Variants in ST6GALNAC3 observed in about 807,000 individuals in gnomAD.
ST6GALNAC3 encodes ST6 N-acetylgalactosaminide alpha-2,6-sialyltransferase 3, also known as alpha-N-acetylgalactosaminide alpha-2,6-sialyltransferase 3.
A neutral mutation model predicts 32.7 loss-of-function variants in ST6GALNAC3; 25 were observed. The ratio of observed to expected loss-of-function variants is 0.76; its 90% CI spans 0.56 to 1.07. The LOEUF is 1.07. Ranked by LOEUF, ST6GALNAC3 falls within the 50% of genes least tolerant of loss-of-function variation. The pLI is 0.00. For synonymous variants in ST6GALNAC3, 129 were observed against 133.1 expected, an observed-to-expected ratio of 0.97 and a Z score of 0.21; for missense variants, 355 against 382.4, an observed-to-expected ratio of 0.93 and a Z score of 0.60.
At position 76,630,083 on chromosome 1, in the gene ST6GALNAC3, G is replaced by C; in HGVS notation, c.*1277G>C. The C allele has an allele frequency of 1.0e-6, 1 of 985,204 alleles. No homozygotes were observed. The highest frequency in any genetic ancestry group is 1.2e-6 in the Non-Finnish European group (1 of 829,832). The allele number at this position is 985,204 out of a possible 1,614,324, so 61.0% of individuals were successfully genotyped here. On this transcript the variant is annotated 3_prime_UTR_variant, in exon 5 of 5. Transcript: ENST00000328299. ...CCCTTGAACACCCCATTGGGCTATT[G>C]TCTGTGTATTCTGCTCTCTTTAGCA...
At chr1:76,096,295 G>A (rs1472662273) in intron 1 of ST6GALNAC3, among the ~76,000 whole-genome samples, 2 of 152,088 alleles carry the variant, frequency 1.3e-5, no homozygotes, top group Admixed American at 6.5e-5. Context: ...TTTAGTTTGC[G>A]AACCTGGCAA....
chr1:76,518,958 C>T lies in ST6GALNAC3; in HGVS notation c.623+106541C>T, dbSNP rs889757626. On this transcript the variant is annotated intron_variant, in intron 3 of 4. Transcript: ENST00000328299. Reference sequence around the variant, plus strand: ...GATGCACGCCTATAGCCTAGCTACTCAGGAGGCTAAGGCAGGAGAATCACT... The same window carrying T: ...GATGCACGCCTATAGCCTAGCTACTTAGGAGGCTAAGGCAGGAGAATCACT... 1.3e-5 allele frequency among the ~76,000 whole-genome samples: 2 copies of T among 152,078 alleles called. 1 individual carries two copies. The highest frequency in any genetic ancestry group is 4.8e-5 in the African/African-American group (2 of 41,402).
At chr1:76,583,398 A>G (rs904002980) in intron 3 of ST6GALNAC3, among the ~76,000 whole-genome samples, 17 of 152,208 alleles carry the variant, frequency 1.1e-4, no homozygotes, top group African/African-American at 4.1e-4. Flanking sequence ...GCAGTTTGAG[A>G]AGCCTTTGAT....
chr1:76,545,722 T>C (rs1237791723), intron 3 of ST6GALNAC3, among the ~76,000 whole-genome samples: 2 of 151,496 alleles, frequency 1.3e-5, no homozygotes, highest in African/African-American at 4.9e-5. Context: ...AATGGCGCAC[T>C]CTCAGCTCAC....
At chr1:76,559,789 C>T (rs963269586) in intron 3 of ST6GALNAC3, among the ~76,000 whole-genome samples, 7 of 152,134 alleles carry the variant, frequency 4.6e-5, no homozygotes, top group Non-Finnish European at 8.8e-5. Flanking sequence ...CCTTGAATTG[C>T]TGATGCCGCC....
chr1:76,440,463 G>A (rs1354025709), intron 3 of ST6GALNAC3, among the ~76,000 whole-genome samples: 4 of 152,182 alleles, frequency 2.6e-5, no homozygotes, highest in Non-Finnish European at 5.9e-5. Context: ...TGTCCATGTC[G>A]ATGACAACAT....
chr1:76,352,873 G>T lies in ST6GALNAC3; in HGVS notation c.213+38874G>T, dbSNP rs72675990. Among the ~76,000 whole-genome samples, 875 of 152,098 alleles carry T rather than the reference G, an allele frequency of 5.8e-3. 10 individuals carry two copies. Among genetic ancestry groups the T allele is most frequent in the Non-Finnish European group, 8.0e-3 (543 of 67,996 alleles). On this transcript the variant is annotated intron_variant, in intron 2 of 4. Coordinates refer to ENST00000328299, the MANE Select transcript of ST6GALNAC3 (RefSeq NM_152996.4). ...ATGCATTCTAGACATTTCTCTGTCTGCCTTCCTCCACATTCCATCTGCCAT... is the reference window on the plus strand; with the variant it reads ...ATGCATTCTAGACATTTCTCTGTCTTCCTTCCTCCACATTCCATCTGCCAT...
intron 3 of ST6GALNAC3, among the ~76,000 whole-genome samples, chr1:76,439,497 A>C (rs752368061): frequency 1.3e-5 from 2 of 152,234 alleles, no homozygotes; most frequent in African/African-American, 2.4e-5. Context: ...AGGTTGAAGA[A>C]TGTGCTTTAA....
intron 1 of ST6GALNAC3, among the ~76,000 whole-genome samples, chr1:76,150,745 G>T (rs1650987957): frequency 6.6e-6 from 1 of 152,208 alleles, no homozygotes; most frequent in African/African-American, 2.4e-5. Context: ...TGTGGATGAT[G>T]ACAATTACAG....
At chr1:76,207,406 G>T (rs1204690889) in intron 1 of ST6GALNAC3, among the ~76,000 whole-genome samples, 1 of 152,202 alleles carries the variant, frequency 6.6e-6, no homozygotes, top group Non-Finnish European at 1.5e-5. Flanking sequence ...ACACAGTAAA[G>T]GTAGTGTCTT....
chr1:76,327,478 G>A (rs2100945383), intron 2 of ST6GALNAC3, among the ~76,000 whole-genome samples: 1 of 152,260 alleles, frequency 6.6e-6, no homozygotes, highest in Non-Finnish European at 1.5e-5. Flanking sequence ...ACCAGTCTTT[G>A]TTCTATTAAA....
intron 1 of ST6GALNAC3, among the ~76,000 whole-genome samples, chr1:76,207,969 G>A (rs1654914465): frequency 1.3e-5 from 2 of 152,170 alleles, no homozygotes; most frequent in Admixed American, 1.3e-4. Flanking sequence ...AGAGGAACCA[G>A]GCCCTGAGTT....
chr1:76,506,184 G>C (rs1184439364), intron 3 of ST6GALNAC3, among the ~76,000 whole-genome samples: 1 of 152,120 alleles, frequency 6.6e-6, no homozygotes, highest in Non-Finnish European at 1.5e-5. Context: ...TTGCAAATTT[G>C]TATTAGCTGA....
At chr1:76,370,682 A>G (rs1409338611) in intron 2 of ST6GALNAC3, among the ~76,000 whole-genome samples, 1 of 152,134 alleles carries the variant, frequency 6.6e-6, no homozygotes, top group African/African-American at 2.4e-5. Flanking sequence ...GGCCCTAGAA[A>G]CTGATTTATA....
At chr1:76,190,056 A>G (rs1329777138) in intron 1 of ST6GALNAC3, among the ~76,000 whole-genome samples, 4 of 151,240 alleles carry the variant, frequency 2.6e-5, no homozygotes, top group Non-Finnish European at 4.4e-5. Flanking sequence ...GTAGAGTTTA[A>G]CCCCTCATTT....
chr1:76,077,526 A>T (rs72988551), intron 1 of ST6GALNAC3, among the ~76,000 whole-genome samples: 8,622 of 152,278 alleles, frequency 0.057, 800 homozygotes, highest in African/African-American at 0.2. Context: ...GCATTTTAAT[A>T]GAGAAGGATA....
chr1:76,386,463 A>G (rs983598509), intron 2 of ST6GALNAC3, among the ~76,000 whole-genome samples: 3 of 57,166 alleles, frequency 5.2e-5, no homozygotes, highest in African/African-American at 1.9e-4. Flanking sequence ...TTTCTCAGCC[A>G]AGAGGCTCAA....
intron 1 of ST6GALNAC3, among the ~76,000 whole-genome samples, chr1:76,245,918 T>C (rs1225174890): frequency 6.6e-6 from 1 of 152,236 alleles, no homozygotes; most frequent in African/African-American, 2.4e-5. Flanking sequence ...AGTTGTTTGT[T>C]AGGTCCACTT....
chr1:76,538,430 A>T (rs1383460564), intron 3 of ST6GALNAC3, among the ~76,000 whole-genome samples: 2 of 152,148 alleles, frequency 1.3e-5, no homozygotes, highest in Non-Finnish European at 2.9e-5. Context: ...ATGGGCAAAA[A>T]CTGGAAGCAT....
Sources: allele counts gnomAD v4.1 joint callset (sites outside exome capture counted in the v4.1 genomes callset), GRCh38; gene constraint gnomAD v4.1.1; transcripts MANE v1.5; gene names NCBI Gene and HGNC (gene_info 2026-07-23, HGNC 2026-07-21).